The following ANGPT2 variants were observed in gnomAD, a reference collection of about 807,000 sequenced individuals.
The protein encoded by ANGPT2 is angiopoietin 2, also known as angiopoietin-2.
ANGPT2 carries 28 observed loss-of-function variants against 62.9 expected under a neutral mutation model. That is an observed-to-expected ratio of 0.44 (90% CI 0.33 to 0.61). The LOEUF (loss-of-function observed/expected upper bound fraction) is 0.61. Among genes scored for constraint, ANGPT2 ranks in the 20% least tolerant of loss-of-function variants. The pLI is 0.03. For synonymous variants in ANGPT2, 284 were observed against 207.8 expected (o/e 1.37, Z -3.15); for missense variants, 727 against 594.9 (o/e 1.22, Z -2.31).
rs560341891 is a variant in ANGPT2, at chr8:6,524,432, C to T, written c.567-3022G>A. On this transcript the variant is annotated intron_variant, in intron 3 of 8. Transcript: ENST00000629816. ...CCTGCTTGATAAAGAAACCTTGAACCGGCCATTTAACACTGCTGTGAGTTA... is the reference window on the plus strand; with the variant it reads ...CCTGCTTGATAAAGAAACCTTGAACTGGCCATTTAACACTGCTGTGAGTTA... Among the ~76,000 whole-genome samples the T allele has an allele frequency of 2.2e-4, 33 of 152,244 alleles. No homozygotes were observed. In the South Asian group the frequency reaches 3.7e-3, roughly 17 times the overall value.
chr8:6,556,477 G>A (rs1824628971), intron 1 of ANGPT2, among the ~76,000 whole-genome samples: 1 of 146,812 alleles, frequency 6.8e-6, no homozygotes, highest in Admixed American at 6.9e-5. Flanking sequence ...TCACACGCCT[G>A]ACTCCCTTTG....
rs138356697 is a variant in ANGPT2 at position 6,527,492 on chromosome 8, A to G, written c.566+63T>C. 263 of 1,568,282 alleles carry G rather than the reference A, an allele frequency of 1.7e-4. No individual in the cohort carries two copies. The African/African-American group carries it at 2.8e-3, about 17-fold the overall frequency. ...CCATTCTGATAATTCATCATTTGAG[A>G]CCGACTTTCATATCTGGAAAGTGTG... On this transcript the variant is annotated intron_variant, in intron 3 of 8. Transcript: ENST00000629816.
chr8:6,520,816 T>C (rs1224995075), intron 4 of ANGPT2, among the ~76,000 whole-genome samples: 1 of 152,214 alleles, frequency 6.6e-6, no homozygotes, highest in Non-Finnish European at 1.5e-5. Context: ...TATTATCTCA[T>C]TTAATCTTAA....
Position 6,504,148 on chromosome 8 carries a change from C to A in ANGPT2, c.1328-887G>T, listed in dbSNP as rs1329906581. Reference sequence around the variant, plus strand: ...CCTGGCTAACACGGTGAAACCCCGTCTCTACTAAAAATACAAAAAATTAGC... The same window carrying A: ...CCTGGCTAACACGGTGAAACCCCGTATCTACTAAAAATACAAAAAATTAGC... On this transcript the variant is annotated intron_variant, in intron 8 of 8. Coordinates refer to ENST00000629816, the MANE Select transcript of ANGPT2 (RefSeq NM_001118887.2). Among the ~76,000 whole-genome samples the A allele has an allele frequency of 2.6e-5, 4 of 151,896 alleles. No homozygotes were observed. In the South Asian group the frequency reaches 8.3e-4, roughly 32 times the overall value.
intron 3 of ANGPT2, among the ~76,000 whole-genome samples, chr8:6,525,818 A>T (rs1818222842): frequency 6.6e-6 from 1 of 152,170 alleles, no homozygotes; most frequent in South Asian, 2.1e-4. Flanking sequence ...TCTACAGCTG[A>T]TGAGAAAAAG....
chr8:6,513,540 T>A (rs35948012), intron 7 of ANGPT2, 138 bp downstream of exon 7: 44 of 565,908 alleles, frequency 7.8e-5, no homozygotes, highest in South Asian at 1.7e-4. Context: ...TCACTTTGTT[T>A]GCCAGGATGG....
At chr8:6,520,185 A>G (rs1586316635) in intron 4 of ANGPT2, among the ~76,000 whole-genome samples, 194 bp from the exon 5 acceptor site, 1 of 152,272 alleles carries the variant, frequency 6.6e-6, no homozygotes, top group Non-Finnish European at 1.5e-5. Context: ...AAAGATTAAT[A>G]CTTACTTTTT....
chr8:6,526,843 A>G (rs966445047), intron 3 of ANGPT2, among the ~76,000 whole-genome samples: 2 of 152,228 alleles, frequency 1.3e-5, no homozygotes, highest in Non-Finnish European at 2.9e-5. Context: ...TCCCAAGTGG[A>G]ACAGACATAT....
At chr8:6,516,371 C>A (rs1017818731) in intron 5 of ANGPT2, among the ~76,000 whole-genome samples, 5 of 152,188 alleles carry the variant, frequency 3.3e-5, no homozygotes, top group African/African-American at 4.8e-5. Context: ...TAGCAAAGTT[C>A]GATTTTGATC....
At chr8:6,557,426 C>T (rs1246892092) in intron 1 of ANGPT2, among the ~76,000 whole-genome samples, 2 of 152,090 alleles carry the variant, frequency 1.3e-5, no homozygotes, top group East Asian at 1.9e-4. Context: ...TTGCTGCCTT[C>T]GTGATGACTG....
chr8:6,537,545 CAT>C (rs35477464), intron 1 of ANGPT2, among the ~76,000 whole-genome samples: 49,460 of 148,864 alleles, frequency 0.33, 8,132 homozygotes, highest in Middle Eastern at 0.44. Context: ...TTTAATGCAA[CAT>C]ATATATATAT....
At chr8:6,527,480 T>C (rs1467832583) in intron 3 of ANGPT2, 75 bp downstream of exon 3, 17 of 1,536,226 alleles carry the variant, frequency 1.1e-5, no homozygotes, top group Non-Finnish European at 8.9e-7. Flanking sequence ...TTCTGATAAT[T>C]CATCATTTGA....
At chr8:6,513,601 G>C (rs1253291174) in intron 7 of ANGPT2, 77 bp downstream of exon 7, 27 of 1,278,750 alleles carry the variant, frequency 2.1e-5, no homozygotes, top group Non-Finnish European at 2.9e-5. Flanking sequence ...CCAAAGTGCT[G>C]GGATTACAGG....
intron 1 of ANGPT2, among the ~76,000 whole-genome samples, chr8:6,561,442 G>C (rs1278324700): frequency 6.6e-6 from 1 of 152,292 alleles, no homozygotes; most frequent in East Asian, 1.9e-4. Context: ...AGGTAGGGGA[G>C]GTAATGAGGA....
chr8:6,544,823 G>A (rs948386505), intron 1 of ANGPT2, among the ~76,000 whole-genome samples: 5 of 152,098 alleles, frequency 3.3e-5, no homozygotes, highest in Non-Finnish European at 5.9e-5. Flanking sequence ...CTGAACTGTC[G>A]ACATCAGGAA....
intron 1 of ANGPT2, among the ~76,000 whole-genome samples, chr8:6,533,569 C>CTTTTTTT (rs56882906): frequency 3.5e-5 from 4 of 113,346 alleles, no homozygotes; most frequent in Admixed American, 2.9e-4. Flanking sequence ...CGTTTAGTTT[C>CTTTTTTT]TTTTTTTTTT....
chr8:6,550,275 G>A (rs549093089), intron 1 of ANGPT2, among the ~76,000 whole-genome samples: 1 of 152,252 alleles, frequency 6.6e-6, no homozygotes, highest in South Asian at 2.1e-4. Context: ...CAGCAGCCAT[G>A]GGGAGGTTGA....
rs1160661716 is a variant in ANGPT2 at position 6,562,975 on chromosome 8, G to A, written c.-41C>T. Reference sequence around the variant, plus strand: ...AAACCAGCAGCTTAGCAAACTTGAGGGCAAACACACGTCCAGAGTCCCGAG... The same window carrying A: ...AAACCAGCAGCTTAGCAAACTTGAGAGCAAACACACGTCCAGAGTCCCGAG... On this transcript the variant is annotated 5_prime_UTR_variant, in exon 1 of 9. Coordinates refer to ENST00000629816, the MANE Select transcript of ANGPT2 (RefSeq NM_001118887.2). 1 of 1,547,588 alleles carries A rather than the reference G, an allele frequency of 6.5e-7. No homozygotes were observed. The highest frequency in any genetic ancestry group is 8.8e-7 in the Non-Finnish European group (1 of 1,139,584).
chr8:6,538,636 C>G (rs76765230), intron 1 of ANGPT2, among the ~76,000 whole-genome samples: 1 of 152,176 alleles, frequency 6.6e-6, no homozygotes, highest in Non-Finnish European at 1.5e-5. Context: ...CTCCTCAGGT[C>G]CCACCATCCC....
Sources: allele counts gnomAD v4.1 joint callset (sites outside exome capture counted in the v4.1 genomes callset), GRCh38; gene constraint gnomAD v4.1.1; transcripts MANE v1.5; gene names NCBI Gene and HGNC (gene_info 2026-07-23, HGNC 2026-07-21).